The following VPS26B variants were observed in gnomAD, a reference collection of about 807,000 sequenced individuals.
VPS26B encodes the protein vacuolar protein sorting-associated protein 26B.
VPS26B carries 10 observed loss-of-function variants against 33.3 expected under a neutral mutation model. That is an observed-to-expected ratio of 0.30 (90% CI 0.19 to 0.51). VPS26B has a LOEUF of 0.51. Among genes scored for constraint, VPS26B ranks in the 20% least tolerant of loss-of-function variants. VPS26B has a pLI of 0.98. For missense variants in VPS26B, 317 were observed against 452.7 expected, an observed-to-expected ratio of 0.70 and a Z score of 2.72; for synonymous variants, 190 against 176.9, an observed-to-expected ratio of 1.07 and a Z score of -0.59.
intron 2 of VPS26B, 84 bp from the exon 3 acceptor site, chr11:134,239,907 C>T: frequency 1.3e-6 from 2 of 1,534,078 alleles, no homozygotes. Flanking sequence ...ACAGGCTTCT[C>T]TCAAGTGGGC....
chr11:134,230,194 T>G (rs570249795), intron 1 of VPS26B, among the ~76,000 whole-genome samples: 1 of 152,346 alleles, frequency 6.6e-6, no homozygotes, highest in South Asian at 2.1e-4. Flanking sequence ...TTGTCTGTCT[T>G]TCTTACTAAT....
chr11:134,247,191 C>G lies in VPS26B; in HGVS notation c.*1601C>G, dbSNP rs1302229646. 1.3e-5 allele frequency: 2 copies of G among 152,136 alleles called. No homozygotes were observed. The highest frequency in any genetic ancestry group is 4.8e-5 in the African/African-American group (2 of 41,406). 9.4% of individuals were successfully genotyped at this position (152,136 alleles called of 1,614,324 possible). ...CAAGGTTGTTTCCCCCACGCTGTGT[C>G]CTGTGTTCAGGTGCGACACACAATC... On this transcript the variant is annotated 3_prime_UTR_variant, in exon 6 of 6. Coordinates refer to ENST00000281187, the MANE Select transcript of VPS26B (RefSeq NM_052875.5).
intron 2 of VPS26B, chr11:134,239,642 T>G: frequency 3.3e-6 from 1 of 306,140 alleles, no homozygotes; most frequent in Non-Finnish European, 6.3e-6. Flanking sequence ...ACATGGTCAG[T>G]AGTGGTAAGG....
At chr11:134,225,467 C>A in intron 1 of VPS26B, 122 bp downstream of exon 1, 1 of 998,226 alleles carries the variant, frequency 1.0e-6, no homozygotes, top group Non-Finnish European at 1.5e-6. Flanking sequence ...AGTCTGAGGC[C>A]TGGGGTTCAG....
chr11:134,235,116 G>C, intron 2 of VPS26B, 63 bp downstream of exon 2: 1 of 1,548,562 alleles, frequency 6.5e-7, no homozygotes, highest in Non-Finnish European at 8.7e-7. Flanking sequence ...ACAAGGACCT[G>C]AGGCCGTCCC....
intron 2 of VPS26B, among the ~76,000 whole-genome samples, chr11:134,238,438 G>A (rs1029246506): frequency 2.6e-5 from 4 of 152,158 alleles, no homozygotes; most frequent in Non-Finnish European, 5.9e-5. Flanking sequence ...AGGCTGAGCA[G>A]TTAGAAGAGG....
intron 4 of VPS26B, chr11:134,243,633 T>G (rs1307429470): frequency 4.1e-6 from 1 of 244,418 alleles, no homozygotes; most frequent in African/African-American, 2.2e-5. Context: ...CCTGTTGACA[T>G]TCTGGCATTC....
In VPS26B at chr11:134,225,005, C is replaced by A; in HGVS notation, c.-118C>A. On this transcript the variant is annotated 5_prime_UTR_variant, in exon 1 of 6. Coordinates refer to ENST00000281187, the MANE Select transcript of VPS26B (RefSeq NM_052875.5). ...CGGCGGCAGCGGCGGAGCCAGGCAG[C>A]CCCGCGGCGGCCGAGCGCGCTCGCG... The A allele has an allele frequency of 1.1e-6, 1 of 949,668 alleles. No homozygotes were observed. The highest frequency in any genetic ancestry group is 1.4e-6 in the Non-Finnish European group (1 of 710,894). 58.8% of individuals were successfully genotyped at this position (949,668 alleles called of 1,614,324 possible).
At chr11:134,225,411 G>A in intron 1 of VPS26B, 66 bp downstream of exon 1, 6 of 1,514,522 alleles carry the variant, frequency 4.0e-6, no homozygotes, top group Non-Finnish European at 5.5e-6. Flanking sequence ...GGTGATTCAG[G>A]GCCCAGCTCC....
At chr11:134,233,223 G>A (rs1387686478) in intron 1 of VPS26B, among the ~76,000 whole-genome samples, 1 of 152,174 alleles carries the variant, frequency 6.6e-6, no homozygotes, top group Non-Finnish European at 1.5e-5. Flanking sequence ...TCACTAGTGT[G>A]GGATCCCAGA....
rs1020956019 is a variant in VPS26B at position 134,224,951 on chromosome 11, G to T, written c.-172G>T. ...CCCCCGGCCGTGCCCCTCCCCCGTG[G>T]AGCCGGCTGTCCGTCGGCGCCCACT... On this transcript the variant is annotated 5_prime_UTR_variant, in exon 1 of 6. Coordinates refer to ENST00000281187, the MANE Select transcript of VPS26B (RefSeq NM_052875.5). The T allele has an allele frequency of 3.0e-5, 11 of 371,186 alleles. No individual in the cohort carries two copies. The highest frequency in any genetic ancestry group is 3.4e-5 in the Non-Finnish European group (8 of 234,116). 23.0% of individuals were successfully genotyped at this position (371,186 alleles called of 1,614,324 possible). A position where few individuals can be genotyped will look rare whatever the true frequency, so the allele number is the denominator to read the frequency against.
intron 1 of VPS26B, among the ~76,000 whole-genome samples, chr11:134,233,012 A>G (rs1938578820): frequency 6.6e-6 from 1 of 152,172 alleles, no homozygotes; most frequent in Non-Finnish European, 1.5e-5. Flanking sequence ...TCCACCCATA[A>G]TTTGGAGCTG....
chr11:134,237,464 A>C (rs1938649318), intron 2 of VPS26B, among the ~76,000 whole-genome samples: 1 of 152,218 alleles, frequency 6.6e-6, no homozygotes, highest in South Asian at 2.1e-4. Context: ...AATACTGGCA[A>C]AATAGAGAAA....
chr11:134,240,016 C>G lies in VPS26B; in HGVS notation c.406C>G (p.Arg136Gly). ...CTATTTCCTTCGTGCTACCATCAGC[C>G]GCCGCCTCAATGATGTTGTCAAAGA... ...LRYFLRATIS[R>G]RLNDVVKEMD... Residue 136 changes from arginine to glycine, a missense_variant, in exon 3 of 6, where the codon CGC becomes GGC. By Grantham distance (125) the Arg-to-Gly change is moderately radical. Coordinates refer to ENST00000281187, the MANE Select transcript of VPS26B (RefSeq NM_052875.5). This position sits in a 1 kb window ranked among gnomAD's most constrained non-coding sequence, Gnocchi z 4.4. 1 of 1,614,092 alleles carries G rather than the reference C, an allele frequency of 6.2e-7. No homozygotes were observed. Among genetic ancestry groups the G allele is most frequent in the Non-Finnish European group, 8.5e-7 (1 of 1,180,008 alleles).
rs12180 is a variant in VPS26B at position 134,246,231 on chromosome 11, G to A, written c.*641G>A. On this transcript the variant is annotated 3_prime_UTR_variant, in exon 6 of 6. Coordinates refer to ENST00000281187, the MANE Select transcript of VPS26B (RefSeq NM_052875.5). Reference sequence around the variant, plus strand: ...GTAATGTCCTGGAACAGAAGCCTGTGGGATGGCCTTGGGCACGGAGAAGCC... The same window carrying A: ...GTAATGTCCTGGAACAGAAGCCTGTAGGATGGCCTTGGGCACGGAGAAGCC... 0.27 allele frequency: 40,597 copies of A among 152,462 alleles called. 5,985 individuals are homozygous for A. The highest frequency in any genetic ancestry group is 0.38 in the Middle Eastern group (113 of 296). The allele number at this position is 152,462 out of a possible 1,614,324, so 9.4% of individuals were successfully genotyped here. A position where few individuals can be genotyped will look rare whatever the true frequency, so the allele number is the denominator to read the frequency against.
Position 134,245,827 on chromosome 11 carries a change from G to T in VPS26B, c.*237G>T. On this transcript the variant is annotated 3_prime_UTR_variant, in exon 6 of 6. Transcript: ENST00000281187. This position sits in a 1 kb window ranked among gnomAD's most constrained non-coding sequence, Gnocchi z 4.7. The stretch of plus-strand genomic sequence containing the variant: ...GTGGGATAGAAGAGGTAGCATCCTG[G>T]AAGCCAGCCTCTCTGGGGAACATGA... 1 of 525,870 alleles carries T rather than the reference G, an allele frequency of 1.9e-6. No homozygotes were observed. Among genetic ancestry groups the T allele is most frequent in the Non-Finnish European group, 3.3e-6 (1 of 299,930 alleles). 32.6% of individuals were successfully genotyped at this position (525,870 alleles called of 1,614,324 possible). A position where few individuals can be genotyped will look rare whatever the true frequency, so the allele number is the denominator to read the frequency against.
At chr11:134,232,970 T>C (rs979822930) in intron 1 of VPS26B, among the ~76,000 whole-genome samples, 7 of 152,312 alleles carry the variant, frequency 4.6e-5, no homozygotes, top group African/African-American at 1.4e-4. Flanking sequence ...CTGACTTTTA[T>C]TGGGGGGGCA....
In VPS26B at chr11:134,243,048, T is replaced by C. The variant is rs1255137520; in HGVS notation, c.546-71T>C. ...AACCAGCACGCTTGGCCGTGGCGTG[T>C]GCGCTCTACTGAAACAGAAAGGTCT... On this transcript the variant is annotated intron_variant, in intron 3 of 5. Coordinates refer to ENST00000281187, the MANE Select transcript of VPS26B (RefSeq NM_052875.5). 4 of 1,522,552 alleles carry C rather than the reference T, an allele frequency of 2.6e-6. No homozygotes were observed. In the Admixed American group the frequency reaches 5.2e-5, roughly 20 times the overall value. 94.3% of individuals were successfully genotyped at this position (1,522,552 alleles called of 1,614,324 possible).
At chr11:134,234,838 CG>C in intron 1 of VPS26B, 58 bp from the exon 2 acceptor site, 1 of 1,577,300 alleles carries the variant, frequency 6.3e-7, no homozygotes, top group East Asian at 2.3e-5. Flanking sequence ...GCCCCCTACT[CG>C]GCCCGGTGTA....
Sources: gnomAD v4.1 joint callset for allele counts (sites outside exome capture counted in the v4.1 genomes callset) on GRCh38, gnomAD v4.1.1 for gene constraint, Gnocchi (gnomAD v3.1) non-coding constraint, MANE v1.5 for transcripts, NCBI Gene and HGNC (gene_info 2026-07-23, HGNC 2026-07-21) for gene names.